MDGA2: variants seen among roughly 807,000 people sequenced by gnomAD.
The protein encoded by MDGA2 is MAM domain-containing glycosylphosphatidylinositol anchor protein 2.
MDGA2 carries 40 observed loss-of-function variants against 117.8 expected under a neutral mutation model. The ratio of observed to expected loss-of-function variants is 0.34; its 90% CI spans 0.26 to 0.44. The LOEUF is 0.44. MDGA2 is among the 20% of genes least tolerant of loss of function. The probability of loss-of-function intolerance (pLI) is 1.00; values close to 1 mark genes in which losing one functional copy is unlikely to be tolerated. For synonymous variants in MDGA2, 452 were observed against 439.0 expected (o/e 1.03, Z -0.37); for missense variants, 1,123 against 1,250.6 (o/e 0.90, Z 1.54).
At chr14:47,213,785 C>T (rs1178956473) in intron 3 of MDGA2, among the ~76,000 whole-genome samples, 1 of 152,062 alleles carries the variant, frequency 6.6e-6, no homozygotes, top group East Asian at 1.9e-4. Flanking sequence ...AGTCCATTTT[C>T]ATACCACTAT....
chr14:47,327,172 G>A (rs917367774), intron 1 of MDGA2, among the ~76,000 whole-genome samples: 2 of 152,262 alleles, frequency 1.3e-5, no homozygotes, highest in African/African-American at 4.8e-5. Context: ...CCCTAAAAGA[G>A]GAAGTTAGAG....
At chr14:47,500,111 C>A (rs1261690523) in intron 1 of MDGA2, among the ~76,000 whole-genome samples, 1 of 152,100 alleles carries the variant, frequency 6.6e-6, no homozygotes, top group Non-Finnish European at 1.5e-5. Flanking sequence ...GTATAATCCC[C>A]ACACATAAAT....
chr14:47,628,810 AAGCGT>A (rs1897200780), intron 1 of MDGA2, among the ~76,000 whole-genome samples: 1 of 152,226 alleles, frequency 6.6e-6, no homozygotes, highest in Non-Finnish European at 1.5e-5. Context: ...TGCTACGCTT[AAGCGT>A]AGCTTTAGAA....
intron 9 of MDGA2, among the ~76,000 whole-genome samples, chr14:46,936,092 T>G (rs1259203620): frequency 6.6e-6 from 1 of 152,196 alleles, no homozygotes; most frequent in Admixed American, 6.5e-5. Context: ...GATGTATTAC[T>G]TTATTTTTTA....
chr14:47,565,296 G>A (rs138712841), intron 1 of MDGA2, among the ~76,000 whole-genome samples: 2 of 152,226 alleles, frequency 1.3e-5, no homozygotes, highest in East Asian at 3.9e-4. Flanking sequence ...TTGTTATTTT[G>A]TTTTGTTTTG....
At chr14:47,104,252 G>T (rs947692228) in intron 5 of MDGA2, among the ~76,000 whole-genome samples, 1 of 151,916 alleles carries the variant, frequency 6.6e-6, no homozygotes, top group African/African-American at 2.4e-5. Flanking sequence ...GCACGTATAT[G>T]CCCAGATGGC....
intron 1 of MDGA2, among the ~76,000 whole-genome samples, chr14:47,541,636 G>T (rs1308461479): frequency 2.0e-5 from 3 of 151,962 alleles, no homozygotes; most frequent in Non-Finnish European, 4.4e-5. Context: ...ATCTGCTTTG[G>T]AATCAGAAAA....
intron 3 of MDGA2, among the ~76,000 whole-genome samples, chr14:47,164,102 A>C (rs11620835): frequency 6.6e-6 from 1 of 152,174 alleles, no homozygotes; most frequent in Non-Finnish European, 1.5e-5. Context: ...AAGTTAGTTG[A>C]TTAATTTAAA....
chr14:47,483,109 T>C (rs1320106729), intron 1 of MDGA2, among the ~76,000 whole-genome samples: 1 of 152,128 alleles, frequency 6.6e-6, no homozygotes, highest in African/African-American at 2.4e-5. Context: ...TTTTCATTTA[T>C]ATTTTTTTAG....
At chr14:47,039,829 T>TA (rs1366552283) in intron 7 of MDGA2, among the ~76,000 whole-genome samples, 2 of 152,146 alleles carry the variant, frequency 1.3e-5, no homozygotes, top group Non-Finnish European at 1.5e-5. Context: ...ATTCAGTGTG[T>TA]AAAACATGTT....
chr14:47,042,120 G>A (rs1213024989), intron 7 of MDGA2, among the ~76,000 whole-genome samples: 3 of 151,900 alleles, frequency 2.0e-5, no homozygotes, highest in African/African-American at 7.2e-5. Context: ...GTATGTTCTC[G>A]AGTAGAATGT....
intron 1 of MDGA2, among the ~76,000 whole-genome samples, chr14:47,641,085 TAAATTACTCATTTAATTA>T (rs1447797641): frequency 6.6e-6 from 1 of 152,114 alleles, no homozygotes; most frequent in East Asian, 1.9e-4. Flanking sequence ...AAACACTCAT[TAAATTACTCATTTAATTA>T]AAAATACAGA....
chr14:47,610,329 A>G (rs1456626871), intron 1 of MDGA2, among the ~76,000 whole-genome samples: 1 of 152,198 alleles, frequency 6.6e-6, no homozygotes, highest in Non-Finnish European at 1.5e-5. Context: ...GTAATCAGAC[A>G]AGAGAAAGTA....
chr14:47,118,944 C>A (rs1881478059), intron 5 of MDGA2, among the ~76,000 whole-genome samples: 1 of 152,076 alleles, frequency 6.6e-6, no homozygotes, highest in Admixed American at 6.5e-5. Flanking sequence ...CACTATATTG[C>A]CCAGGCTGGT....
At chr14:47,468,445 G>C (rs1292199075) in intron 1 of MDGA2, among the ~76,000 whole-genome samples, 1 of 152,084 alleles carries the variant, frequency 6.6e-6, no homozygotes, top group Admixed American at 6.6e-5. Flanking sequence ...TTCTTAATCA[G>C]AGCTGAGTAG....
At chr14:47,515,275 G>A (rs1894727289) in intron 1 of MDGA2, among the ~76,000 whole-genome samples, 1 of 152,074 alleles carries the variant, frequency 6.6e-6, no homozygotes, top group South Asian at 2.1e-4. Context: ...TGCTTCCCCT[G>A]GCAACATCAC....
At chr14:47,007,370 T>C (rs1887748363) in intron 8 of MDGA2, among the ~76,000 whole-genome samples, 1 of 151,878 alleles carries the variant, frequency 6.6e-6, no homozygotes, top group Admixed American at 6.6e-5. Flanking sequence ...GATTTCATGT[T>C]GGGTGTCCAC....
intron 1 of MDGA2, among the ~76,000 whole-genome samples, chr14:47,366,884 T>A (rs1026808341): frequency 1.1e-5 from 1 of 89,730 alleles, no homozygotes; most frequent in Non-Finnish European, 2.6e-5. Flanking sequence ...AAGTTAGATA[T>A]AATGAAATTA....
chr14:47,608,151 T>C (rs1013444142), intron 1 of MDGA2, among the ~76,000 whole-genome samples: 1 of 152,154 alleles, frequency 6.6e-6, no homozygotes, highest in Non-Finnish European at 1.5e-5. Context: ...TACCTTTAAC[T>C]CATGGTGGGA....
Sources: allele counts gnomAD v4.1 joint callset (sites outside exome capture counted in the v4.1 genomes callset), GRCh38; gene constraint gnomAD v4.1.1; transcripts MANE v1.5; gene names NCBI Gene and HGNC (gene_info 2026-07-23, HGNC 2026-07-21).